EIF3M: variants seen among roughly 807,000 people sequenced by gnomAD.
EIF3M encodes the protein eukaryotic translation initiation factor 3 subunit M, also known as B5 receptor.
In EIF3M, 25 loss-of-function variants were observed where a neutral mutation model predicts 49.7. The observed-to-expected ratio is 0.50, with a 90% CI of 0.37 to 0.70. The LOEUF is 0.70. EIF3M is among the 30% of genes least tolerant of loss of function. The pLI, the probability that EIF3M is intolerant of heterozygous loss-of-function variation, is 0.00. For missense variants in EIF3M, 350 were observed against 440.0 expected, an observed-to-expected ratio of 0.80 and a Z score of 1.83; for synonymous variants, 156 against 149.8, an observed-to-expected ratio of 1.04 and a Z score of -0.30.
intron 7 of EIF3M, 36 bp downstream of exon 7, chr11:32,595,049 C>A: frequency 1.3e-6 from 2 of 1,577,486 alleles, no homozygotes. Flanking sequence ...AAAATGTTCT[C>A]CTTTCCTAAA....
In EIF3M at chr11:32,602,669, T is replaced by TAATACAATTTCTTCACATTAG; in HGVS notation, c.*273_*293dup. 1 of 780,494 alleles carries TAATACAATTTCTTCACATTAG rather than the reference T, an allele frequency of 1.3e-6. No homozygotes were observed. The highest frequency in any genetic ancestry group is 2.0e-6 in the Non-Finnish European group (1 of 501,050). The allele number at this position is 780,494 out of a possible 1,614,324, so 48.3% of individuals were successfully genotyped here. On this transcript the variant is annotated 3_prime_UTR_variant, in exon 11 of 11. Transcript: ENST00000531120. ...ATACAGAGAGAAGACAGAAGTAGAG[T>TAATACAATTTCTTCACATTAG]AATACAATTTCTTCACATTAGAAAA...
At chr11:32,598,731 A>T (rs1303303325) in intron 8 of EIF3M, among the ~76,000 whole-genome samples, 1 of 152,094 alleles carries the variant, frequency 6.6e-6, no homozygotes, top group East Asian at 1.9e-4. Flanking sequence ...AGTAAAATAG[A>T]TTTAATTTCA....
At position 32,600,678 on chromosome 11, in the gene EIF3M, C is replaced by T. The variant is rs374728625; in HGVS notation, c.800-11C>T. On this transcript the variant is annotated splice_polypyrimidine_tract_variant and intron_variant, in intron 8 of 10. Transcript: ENST00000531120. ...TGAACACTCATCAGGCTTCACTATT[C>T]TGTTTTCTAGGCCTGTTACATGAAC... is the stretch of plus-strand genomic sequence containing the variant. 75 of 1,598,918 alleles carry T rather than the reference C, an allele frequency of 4.7e-5. No individual in the cohort carries two copies. The highest frequency in any genetic ancestry group is 6.1e-5 in the Non-Finnish European group (72 of 1,173,956).
chr11:32,589,833 T>G (rs1855072479), intron 5 of EIF3M, among the ~76,000 whole-genome samples, 192 bp downstream of exon 5: 1 of 152,216 alleles, frequency 6.6e-6, no homozygotes, highest in African/African-American at 2.4e-5. Context: ...TCCCTCATCT[T>G]TGAACTTTTT....
chr11:32,596,920 AAG>A (rs1191551066), intron 8 of EIF3M, among the ~76,000 whole-genome samples: 1 of 152,078 alleles, frequency 6.6e-6, no homozygotes, highest in Non-Finnish European at 1.5e-5. Context: ...ACAAAAAAAA[AAG>A]AGAGAGAAAA....
At chr11:32,592,558 A>G in intron 5 of EIF3M, 1 of 543,370 alleles carries the variant, frequency 1.8e-6, no homozygotes, top group Non-Finnish European at 3.6e-6. Context: ...GGTTGAGCAC[A>G]CATTGCTGCA....
chr11:32,589,364 C>T (rs1018836056), intron 4 of EIF3M, among the ~76,000 whole-genome samples, 183 bp from the exon 5 acceptor site: 6 of 151,832 alleles, frequency 4.0e-5, no homozygotes, highest in Non-Finnish European at 5.9e-5. Context: ...TTAGTAGAGA[C>T]GGGGTTTCTC....
chr11:32,598,322 CT>C (rs1855210810), intron 8 of EIF3M, among the ~76,000 whole-genome samples: 1 of 152,228 alleles, frequency 6.6e-6, no homozygotes, highest in South Asian at 2.1e-4. Flanking sequence ...CAATGATGCA[CT>C]TTTTTTATTA....
chr11:32,594,165 C>T (rs115359484), intron 6 of EIF3M: 4,421 of 353,048 alleles, frequency 0.013, 166 homozygotes, highest in African/African-American at 0.084. Flanking sequence ...TGGCGTTTAC[C>T]TGGCGGGGGG....
intron 1 of EIF3M, among the ~76,000 whole-genome samples, chr11:32,585,062 C>T (rs75368921): frequency 0.057 from 8,703 of 152,232 alleles, 301 homozygotes; most frequent in African/African-American, 0.096. Flanking sequence ...AGACAACTTA[C>T]AGAATTGCGG....
At chr11:32,599,462 G>A (rs1855228655) in intron 8 of EIF3M, among the ~76,000 whole-genome samples, 2 of 151,766 alleles carry the variant, frequency 1.3e-5, no homozygotes, top group Non-Finnish European at 3.0e-5. Flanking sequence ...CTATGTTAAT[G>A]GGCTTCCCTA....
chr11:32,602,471 A>C lies in EIF3M; in HGVS notation c.*72A>C. ...CATAGTAAAACATTATAAACTAAAA[A>C]AATTTGCCTAGTCTGGACAGTTATT... On this transcript the variant is annotated 3_prime_UTR_variant, in exon 11 of 11. Coordinates refer to ENST00000531120, the MANE Select transcript of EIF3M (RefSeq NM_006360.6). 6.5e-7 allele frequency: 1 copy of C among 1,533,114 alleles called. No individual in the cohort carries two copies. The highest frequency in any genetic ancestry group is 8.8e-7 in the Non-Finnish European group (1 of 1,138,840). The allele number at this position is 1,533,114 out of a possible 1,614,324, so 95.0% of individuals were successfully genotyped here.
At chr11:32,600,350 A>T (rs1290556120) in intron 8 of EIF3M, among the ~76,000 whole-genome samples, 1 of 151,306 alleles carries the variant, frequency 6.6e-6, no homozygotes, top group Non-Finnish European at 1.5e-5. Context: ...TTCTTATGAA[A>T]TGTACTTTGT....
chr11:32,599,638 T>C (rs941690199), intron 8 of EIF3M, among the ~76,000 whole-genome samples: 3 of 151,996 alleles, frequency 2.0e-5, no homozygotes, highest in Non-Finnish European at 4.4e-5. Context: ...AAAAGGAACA[T>C]GTAAATCTAG....
chr11:32,597,487 A>G (rs1479219980), intron 8 of EIF3M, among the ~76,000 whole-genome samples: 1 of 152,226 alleles, frequency 6.6e-6, no homozygotes, highest in African/African-American at 2.4e-5. Flanking sequence ...ACGTTTGTTG[A>G]AAACAGCATA....
At chr11:32,593,767 G>A (rs1025765305) in intron 5 of EIF3M, 99 bp from the exon 6 acceptor site, 55 of 741,588 alleles carry the variant, frequency 7.4e-5, no homozygotes, top group Middle Eastern at 5.2e-4. Context: ...CTTAGTCACC[G>A]TTATAATGTC....
At chr11:32,584,050 A>C in intron 1 of EIF3M, 121 bp downstream of exon 1, 1 of 1,328,046 alleles carries the variant, frequency 7.5e-7, no homozygotes, top group Non-Finnish European at 1.0e-6. Context: ...TCTACACGCG[A>C]GAATGGGGAG....
intron 10 of EIF3M, 175 bp from the exon 11 acceptor site, chr11:32,602,104 G>C (rs1316262664): frequency 9.4e-7 from 1 of 1,069,212 alleles, no homozygotes; most frequent in Non-Finnish European, 1.4e-6. Context: ...AGAAGGCTTA[G>C]GATCAATATG....
chr11:32,590,031 T>C (rs1479669698), intron 5 of EIF3M, among the ~76,000 whole-genome samples: 2 of 152,202 alleles, frequency 1.3e-5, no homozygotes, highest in Non-Finnish European at 2.9e-5. Flanking sequence ...ACCCATGTCC[T>C]TCCTCTTGCT....
Sources: allele counts gnomAD v4.1 joint callset (sites outside exome capture counted in the v4.1 genomes callset), GRCh38; gene constraint gnomAD v4.1.1; transcripts MANE v1.5; gene names NCBI Gene and HGNC (gene_info 2026-07-23, HGNC 2026-07-21).